Variants in CUX2 observed in about 807,000 individuals in gnomAD.
The protein encoded by CUX2 is homeobox protein cut-like 2.
Under a neutral mutation model 144.8 loss-of-function variants are expected in CUX2, and 40 were observed. The observed-to-expected ratio is 0.28, with a 90% CI of 0.21 to 0.36. The LOEUF is 0.36. Ranked by LOEUF, CUX2 falls within the 10% of genes least tolerant of loss-of-function variation. The pLI is 1.00. For missense variants in CUX2, 1,615 were observed against 1,994.0 expected (o/e 0.81, Z 3.62); for synonymous variants, 827 against 875.6 (o/e 0.94, Z 0.98).
At position 111,199,808 on chromosome 12, in the gene CUX2, T is replaced by C. The variant is rs567774794; in HGVS notation, c.64-14392T>C. On this transcript the variant is annotated intron_variant, in intron 1 of 21. Transcript: ENST00000261726. Reference sequence around the variant, plus strand: ...TTTCTGTGTGTTTGTGTGTTACATGTATGGATCTCTGTGTGTCTGTGTGTA... The same window carrying C: ...TTTCTGTGTGTTTGTGTGTTACATGCATGGATCTCTGTGTGTCTGTGTGTA... 2.6e-5 allele frequency among the ~76,000 whole-genome samples: 4 copies of C among 152,246 alleles called. No individual in the cohort carries two copies. The South Asian group carries it at 8.3e-4, about 32-fold the overall frequency.
At chr12:111,225,019 C>T (rs925595296) in intron 3 of CUX2, among the ~76,000 whole-genome samples, 1 of 152,208 alleles carries the variant, frequency 6.6e-6, no homozygotes, top group East Asian at 1.9e-4. Context: ...GATCCTCCCA[C>T]CTCAGCCTCC....
intron 1 of CUX2, among the ~76,000 whole-genome samples, chr12:111,069,054 G>A (rs924297981): frequency 3.3e-5 from 5 of 151,972 alleles, no homozygotes; most frequent in Non-Finnish European, 5.9e-5. Flanking sequence ...TGCAGTGTCC[G>A]TAGATCGCAC....
At chr12:111,094,799 A>G (rs757306580) in intron 1 of CUX2, among the ~76,000 whole-genome samples, 1 of 152,160 alleles carries the variant, frequency 6.6e-6, no homozygotes, top group African/African-American at 2.4e-5. Flanking sequence ...CAGCTGGTGC[A>G]TCCACCTTTT....
intron 1 of CUX2, among the ~76,000 whole-genome samples, chr12:111,074,437 A>C (rs1871409772): frequency 6.6e-6 from 1 of 152,080 alleles, no homozygotes; most frequent in African/African-American, 2.4e-5. Flanking sequence ...AAGATGGGGC[A>C]GGGAAACATT....
Position 111,034,851 on chromosome 12 carries a change from C to G in CUX2, c.63+611C>G, listed in dbSNP as rs1160795923. 6.7e-6 allele frequency among the ~76,000 whole-genome samples: 1 copy of G among 148,928 alleles called. No individual in the cohort carries two copies. The highest frequency in any genetic ancestry group is 2.4e-5 in the African/African-American group (1 of 41,056). ...CTGGCTGCGCAGCCCGGACGCGCCG[C>G]CACCCGGGGGCCGCCGCCGCCGCCG... On this transcript the variant is annotated intron_variant, in intron 1 of 21. Coordinates refer to ENST00000261726, the MANE Select transcript of CUX2 (RefSeq NM_015267.4). The surrounding 1 kb of genome is among the most constrained non-coding windows in gnomAD (Gnocchi z 4.2).
At chr12:111,250,387 G>A (rs906868940) in intron 3 of CUX2, among the ~76,000 whole-genome samples, 3 of 152,162 alleles carry the variant, frequency 2.0e-5, no homozygotes, top group Admixed American at 6.5e-5. Flanking sequence ...TATTGGAGCC[G>A]CCTTCTCAGC....
At chr12:111,180,754 C>G (rs550396860) in intron 1 of CUX2, among the ~76,000 whole-genome samples, 1 of 152,316 alleles carries the variant, frequency 6.6e-6, no homozygotes, top group East Asian at 1.9e-4. Flanking sequence ...ACCTAGTCCT[C>G]CCCCAGCCTC....
At chr12:111,241,801 C>A (rs547779709) in intron 3 of CUX2, among the ~76,000 whole-genome samples, 2 of 152,284 alleles carry the variant, frequency 1.3e-5, no homozygotes, top group Non-Finnish European at 2.9e-5. Flanking sequence ...CCTGGGACCA[C>A]CCCTGACAGC....
chr12:111,137,983 CCT>C (rs1214163293), intron 1 of CUX2, among the ~76,000 whole-genome samples: 8 of 152,260 alleles, frequency 5.3e-5, no homozygotes, highest in Non-Finnish European at 8.8e-5. Flanking sequence ...AGTGTCTTAA[CCT>C]CTCTGGGCAT....
intron 3 of CUX2, among the ~76,000 whole-genome samples, chr12:111,259,083 G>A (rs1045111859): frequency 6.7e-6 from 1 of 149,104 alleles, no homozygotes; most frequent in African/African-American, 2.5e-5. Flanking sequence ...TTGTGTGTGT[G>A]TGTGGAGATA....
At chr12:111,301,038 C>CA (rs3061127) in intron 9 of CUX2, among the ~76,000 whole-genome samples, 1,970 of 106,442 alleles carry the variant, frequency 0.019, 45 homozygotes, top group African/African-American at 0.046. Flanking sequence ...GACCCTATCT[C>CA]AAAAAAAAAA....
chr12:111,244,055 G>T (rs1368293107), intron 3 of CUX2, among the ~76,000 whole-genome samples: 1 of 152,100 alleles, frequency 6.6e-6, no homozygotes, highest in Non-Finnish European at 1.5e-5. Context: ...ATTCAGAACT[G>T]GTTGGTTTTG....
intron 1 of CUX2, among the ~76,000 whole-genome samples, chr12:111,041,818 C>T (rs752588969): frequency 6.6e-6 from 1 of 152,168 alleles, no homozygotes; most frequent in Admixed American, 6.5e-5. Context: ...GGCCACAGGC[C>T]GCACCTTCCC....
intron 4 of CUX2, among the ~76,000 whole-genome samples, chr12:111,266,319 A>C (rs1017162670): frequency 2.0e-5 from 3 of 152,054 alleles, no homozygotes; most frequent in African/African-American, 7.2e-5. Flanking sequence ...TCTACTAAAA[A>C]TACAAAAATT....
Position 111,322,663 on chromosome 12 carries a change from G to A in CUX2, c.2926+83G>A, listed in dbSNP as rs768856667. On this transcript the variant is annotated intron_variant, in intron 18 of 21. Coordinates refer to ENST00000261726, the MANE Select transcript of CUX2 (RefSeq NM_015267.4). This position sits in a 1 kb window ranked among gnomAD's most constrained non-coding sequence, Gnocchi z 4.2. ...GCATGTCCGCCTGGCTTTACTGCCC[G>A]AGTCTACCTATCTCTCCCTCCCTGC... 22 of 1,507,932 alleles carry A rather than the reference G, an allele frequency of 1.5e-5. No homozygotes were observed. The highest frequency in any genetic ancestry group is 1.4e-4 in the Admixed American group (7 of 50,136). The allele number at this position is 1,507,932 out of a possible 1,614,324, so 93.4% of individuals were successfully genotyped here.
chr12:111,348,018 A>C lies in CUX2; in HGVS notation c.4154A>C (p.Glu1385Ala), dbSNP rs1437185320. ...CCTTTAAGTTTTAAGTCAGCCTCAGAGTCCTCACGCTGCAGCCTGGAGGTG... is the reference window on the plus strand; with the variant it reads ...CCTTTAAGTTTTAAGTCAGCCTCAGCGTCCTCACGCTGCAGCCTGGAGGTG... Reference protein sequence around the residue: ...PDPLSFKSASESSRCSLEVSL... With the variant: ...PDPLSFKSASASSRCSLEVSL... The change falls in exon 22 of 22, where the codon GAG becomes GCG. Residue 1385 changes from glutamate to alanine, a missense_variant. Transcript: ENST00000261726. 2 of 1,614,064 alleles carry C rather than the reference A, an allele frequency of 1.2e-6. No individual in the cohort carries two copies. The highest frequency in any genetic ancestry group is 8.5e-7 in the Non-Finnish European group (1 of 1,180,008).
intron 1 of CUX2, among the ~76,000 whole-genome samples, chr12:111,129,286 T>C (rs966370513): frequency 6.6e-6 from 1 of 152,212 alleles, no homozygotes; most frequent in Non-Finnish European, 1.5e-5. Flanking sequence ...TGAAATCTTG[T>C]GGAAGGGAAA....
intron 16 of CUX2, among the ~76,000 whole-genome samples, chr12:111,313,143 C>T (rs1886988423): frequency 6.6e-6 from 1 of 152,098 alleles, no homozygotes; most frequent in Admixed American, 6.5e-5. Flanking sequence ...CTCACTGCAA[C>T]CTCCACCTCC....
At chr12:111,197,931 G>T (rs1362435261) in intron 1 of CUX2, among the ~76,000 whole-genome samples, 1 of 152,182 alleles carries the variant, frequency 6.6e-6, no homozygotes, top group Non-Finnish European at 1.5e-5. Context: ...CTGTTTGGGG[G>T]AACCCAGTGG....
Sources: allele counts gnomAD v4.1 joint callset (sites outside exome capture counted in the v4.1 genomes callset), GRCh38; gene constraint gnomAD v4.1.1; non-coding constraint Gnocchi (gnomAD v3.1); transcripts MANE v1.5; gene names NCBI Gene and HGNC (gene_info 2026-07-23, HGNC 2026-07-21).